EPHB2: variants seen among roughly 807,000 people sequenced by gnomAD.
EPHB2 encodes the protein ephrin type-B receptor 2.
EPHB2 carries 18 observed loss-of-function variants against 96.4 expected under a neutral mutation model. The ratio of observed to expected loss-of-function variants is 0.19; its 90% confidence interval spans 0.13 to 0.28. The LOEUF (loss-of-function observed/expected upper bound fraction) is 0.28, where lower values mean the gene tolerates loss of function less well. EPHB2 is among the 10% of genes least tolerant of loss of function. EPHB2 has a pLI of 1.00. For synonymous variants in EPHB2, 506 were observed against 534.1 expected (o/e 0.95, Z 0.72); for missense variants, 989 against 1,355.4 (o/e 0.73, Z 4.25).
intron 1 of EPHB2, among the ~76,000 whole-genome samples, chr1:22,713,898 C>T (rs1004873703): frequency 6.6e-6 from 1 of 152,072 alleles, no homozygotes; most frequent in African/African-American, 2.4e-5. Flanking sequence ...TGTGAGACCG[C>T]CCCCCGACCA....
chr1:22,757,412 C>T (rs930807369), intron 1 of EPHB2, among the ~76,000 whole-genome samples: 4 of 152,144 alleles, frequency 2.6e-5, no homozygotes, highest in Admixed American at 2.6e-4. Flanking sequence ...GGAAGGACAG[C>T]CTCAGGCATT....
At chr1:22,912,170 A>G (rs1640123459) in intron 14 of EPHB2, among the ~76,000 whole-genome samples, 1 of 152,138 alleles carries the variant, frequency 6.6e-6, no homozygotes, top group Non-Finnish European at 1.5e-5. Context: ...CCATCCCTGC[A>G]GTGCCTTCCC....
chr1:22,751,177 G>A (rs561057770), intron 1 of EPHB2, among the ~76,000 whole-genome samples: 3 of 152,346 alleles, frequency 2.0e-5, no homozygotes, highest in African/African-American at 7.2e-5. Flanking sequence ...ATTTGGTGGA[G>A]GGGGATGCTC....
chr1:22,882,888 A>G (rs1222565841), intron 6 of EPHB2: 1 of 309,102 alleles, frequency 3.2e-6, no homozygotes, highest in South Asian at 3.0e-5. Flanking sequence ...GAAACAGCTC[A>G]AGAGAGCTTC....
intron 3 of EPHB2, 55 bp from the exon 4 acceptor site, chr1:22,862,982 A>C: frequency 6.2e-7 from 1 of 1,612,634 alleles, no homozygotes. Context: ...GTGGCTCGTG[A>C]CCTCTCTGAG....
chr1:22,903,478 C>G (rs1204908208), intron 9 of EPHB2, among the ~76,000 whole-genome samples: 1 of 152,210 alleles, frequency 6.6e-6, no homozygotes, highest in Non-Finnish European at 1.5e-5. Flanking sequence ...GTATTTCATC[C>G]AGGAGGCAGT....
intron 12 of EPHB2, 27 bp from the exon 13 acceptor site, chr1:22,908,995 A>G (rs773139513): frequency 3.1e-6 from 5 of 1,614,060 alleles, no homozygotes; most frequent in Non-Finnish European, 3.4e-6. Flanking sequence ...CCTCCCACCC[A>G]CAAACCCTCC....
intron 13 of EPHB2, 61 bp downstream of exon 13, chr1:22,909,232 G>A (rs529713054): frequency 1.6e-5 from 26 of 1,612,462 alleles, no homozygotes; most frequent in African/African-American, 1.1e-4. Context: ...AGGGAAGATC[G>A]GGGCTCCTGG....
chr1:22,730,374 G>A (rs931646888), intron 1 of EPHB2, among the ~76,000 whole-genome samples: 7 of 152,206 alleles, frequency 4.6e-5, no homozygotes, highest in Admixed American at 2.6e-4. Flanking sequence ...GCCTTTGGGG[G>A]TCTTGACATC....
intron 3 of EPHB2, among the ~76,000 whole-genome samples, chr1:22,857,232 C>G (rs1327911349): frequency 6.6e-6 from 1 of 152,156 alleles, no homozygotes; most frequent in Non-Finnish European, 1.5e-5. Context: ...TTACACCACA[C>G]AAATTGGCAA....
At chr1:22,801,967 G>T (rs564893769) in intron 3 of EPHB2, among the ~76,000 whole-genome samples, 1 of 152,216 alleles carries the variant, frequency 6.6e-6, no homozygotes, top group Non-Finnish European at 1.5e-5. Flanking sequence ...CTCCGAGCAC[G>T]CTCAGCCAAG....
At chr1:22,819,241 CT>C (rs1645118242) in intron 3 of EPHB2, among the ~76,000 whole-genome samples, 1 of 150,214 alleles carries the variant, frequency 6.7e-6, no homozygotes, top group African/African-American at 2.5e-5. Flanking sequence ...CTCTCTCTCT[CT>C]CTCTCTCTGC....
intron 1 of EPHB2, among the ~76,000 whole-genome samples, chr1:22,771,336 T>G (rs1644377376): frequency 6.6e-6 from 1 of 152,062 alleles, no homozygotes; most frequent in African/African-American, 2.4e-5. Flanking sequence ...GGAGAAGACA[T>G]TTGAGATGGG....
At chr1:22,834,679 C>T (rs1428903545) in intron 3 of EPHB2, among the ~76,000 whole-genome samples, 1 of 152,032 alleles carries the variant, frequency 6.6e-6, no homozygotes, top group African/African-American at 2.4e-5. Context: ...AATTCCAGCA[C>T]TTTGGGAGGC....
chr1:22,748,111 C>T (rs1457102729), intron 1 of EPHB2, among the ~76,000 whole-genome samples: 1 of 152,184 alleles, frequency 6.6e-6, no homozygotes, highest in Non-Finnish European at 1.5e-5. Context: ...TTAGTTTCCC[C>T]ATCTGTAAAA....
intron 6 of EPHB2, among the ~76,000 whole-genome samples, chr1:22,883,708 C>A (rs1008695781): frequency 6.6e-6 from 1 of 152,216 alleles, no homozygotes; most frequent in Non-Finnish European, 1.5e-5. Context: ...ATCGGCTAAC[C>A]AGGCCGGTCT....
At chr1:22,748,780 ATTTAT>A (rs1411366740) in intron 1 of EPHB2, among the ~76,000 whole-genome samples, 2 of 149,194 alleles carry the variant, frequency 1.3e-5, no homozygotes, top group Non-Finnish European at 3.0e-5. Flanking sequence ...AAATTATATA[ATTTAT>A]TTTAATTATA....
intron 7 of EPHB2, 125 bp downstream of exon 7, chr1:22,893,171 C>T (rs1639448635): frequency 4.2e-6 from 6 of 1,417,386 alleles, no homozygotes; most frequent in Non-Finnish European, 5.9e-6. Flanking sequence ...AGATGTCAGC[C>T]CTCCCTCCCT....
At chr1:22,818,903 C>T (rs1429116425) in intron 3 of EPHB2, among the ~76,000 whole-genome samples, 3 of 152,138 alleles carry the variant, frequency 2.0e-5, no homozygotes, top group African/African-American at 7.2e-5. Context: ...GTGTCTTTCT[C>T]TCCACTACAC....
Sources: allele counts gnomAD v4.1 joint callset (sites outside exome capture counted in the v4.1 genomes callset), GRCh38; gene constraint gnomAD v4.1.1; transcripts MANE v1.5; gene names NCBI Gene and HGNC (gene_info 2026-07-23, HGNC 2026-07-21).